The following ADAMTSL3 variants were observed in gnomAD, a reference collection of about 807,000 sequenced individuals.
ADAMTSL3 encodes the protein ADAMTS-like protein 3.
In ADAMTSL3, 128 loss-of-function variants were observed where a neutral mutation model predicts 201.7. The ratio of observed to expected loss-of-function variants is 0.63; its 90% CI spans 0.55 to 0.73. The LOEUF is 0.73. ADAMTSL3 is among the 30% of genes least tolerant of loss of function. The probability of loss-of-function intolerance (pLI) is 0.00; values close to 1 mark genes in which losing one functional copy is unlikely to be tolerated. For missense variants in ADAMTSL3, 1,990 were observed against 2,119.6 expected, an observed-to-expected ratio of 0.94 and a Z score of 1.20; for synonymous variants, 738 against 748.4, an observed-to-expected ratio of 0.99 and a Z score of 0.23.
chr15:83,842,902 G>T (rs930735426), intron 7 of ADAMTSL3, among the ~76,000 whole-genome samples: 1 of 152,160 alleles, frequency 6.6e-6, no homozygotes, highest in Non-Finnish European at 1.5e-5. Flanking sequence ...AAAATACCTC[G>T]TTTTGTCAGG....
Position 83,940,887 on chromosome 15 carries a change from T to C in ADAMTSL3, c.2118-1709T>C, listed in dbSNP as rs113563602. The stretch of plus-strand genomic sequence containing the variant: ...GGGAATTCACCTGTTTCTTGAAAAT[T>C]TGTAGGACTTGACCACAAAACTAGT... On this transcript the variant is annotated intron_variant, in intron 17 of 29. Coordinates refer to ENST00000286744, the MANE Select transcript of ADAMTSL3 (RefSeq NM_207517.3). Among the ~76,000 whole-genome samples, 453 of 152,206 alleles carry C rather than the reference T, an allele frequency of 3.0e-3. 6 individuals carry two copies. The highest frequency in any genetic ancestry group is 0.01 in the African/African-American group (428 of 41,558).
chr15:83,719,522 T>C (rs1168399317), intron 3 of ADAMTSL3, among the ~76,000 whole-genome samples: 1 of 152,176 alleles, frequency 6.6e-6, no homozygotes, highest in Non-Finnish European at 1.5e-5. Context: ...TTCTGAGGCA[T>C]GAAAATGGTA....
intron 8 of ADAMTSL3, among the ~76,000 whole-genome samples, chr15:83,864,603 G>A (rs886881736): frequency 2.0e-5 from 3 of 152,176 alleles, no homozygotes; most frequent in Non-Finnish European, 4.4e-5. Context: ...AGGTATTGAT[G>A]GAACGTATCT....
intron 6 of ADAMTSL3, among the ~76,000 whole-genome samples, chr15:83,830,665 T>G (rs1448645867): frequency 6.6e-6 from 1 of 152,198 alleles, no homozygotes; most frequent in African/African-American, 2.4e-5. Context: ...TTTGGTGGCT[T>G]AAAACAACAG....
chr15:83,936,803 TAAAC>T (rs1242722727), intron 17 of ADAMTSL3, among the ~76,000 whole-genome samples: 7 of 150,776 alleles, frequency 4.6e-5, no homozygotes, highest in Admixed American at 2.0e-4. Flanking sequence ...GTAAGAAACT[TAAAC>T]AAATTCAGCA....
intron 2 of ADAMTSL3, among the ~76,000 whole-genome samples, chr15:83,662,136 C>T (rs890769935): frequency 2.2e-4 from 32 of 145,234 alleles, no homozygotes; most frequent in African/African-American, 7.0e-4. Flanking sequence ...ATGTTTATTG[C>T]GGCATTATTC....
At chr15:83,766,200 A>G (rs991427290) in intron 3 of ADAMTSL3, among the ~76,000 whole-genome samples, 2 of 152,138 alleles carry the variant, frequency 1.3e-5, no homozygotes, top group African/African-American at 4.8e-5. Flanking sequence ...TGCTCTTGAC[A>G]ACCAAAGGTT....
chr15:83,949,377 A>G (rs1464385710), intron 19 of ADAMTSL3, among the ~76,000 whole-genome samples: 7 of 152,122 alleles, frequency 4.6e-5, no homozygotes, highest in Admixed American at 4.6e-4. Context: ...TCCATTGTGT[A>G]TATGTACCAC....
chr15:83,660,740 C>T (rs1047917754), intron 2 of ADAMTSL3, among the ~76,000 whole-genome samples: 3 of 152,066 alleles, frequency 2.0e-5, no homozygotes, highest in African/African-American at 7.2e-5. Context: ...TTGCCTGTTC[C>T]CTCTGATGGT....
At chr15:83,896,753 G>T (rs2141905714) in intron 13 of ADAMTSL3, among the ~76,000 whole-genome samples, 1 of 152,034 alleles carries the variant, frequency 6.6e-6, no homozygotes, top group Middle Eastern at 3.4e-3. Flanking sequence ...GATTATATTA[G>T]TCCATTCTCA....
At chr15:83,864,849 G>A (rs2064940716) in intron 8 of ADAMTSL3, among the ~76,000 whole-genome samples, 1 of 152,214 alleles carries the variant, frequency 6.6e-6, no homozygotes, top group Non-Finnish European at 1.5e-5. Context: ...TGACATGATT[G>A]TATATCTAGA....
At chr15:83,716,656 T>C (rs2062024632) in intron 3 of ADAMTSL3, among the ~76,000 whole-genome samples, 1 of 152,126 alleles carries the variant, frequency 6.6e-6, no homozygotes, top group African/African-American at 2.4e-5. Context: ...ATTATTTCTA[T>C]TTTTCACTCT....
intron 3 of ADAMTSL3, among the ~76,000 whole-genome samples, chr15:83,737,156 T>A (rs951566676): frequency 1.3e-5 from 2 of 152,152 alleles, no homozygotes; most frequent in African/African-American, 4.8e-5. Flanking sequence ...TGGAAATAGG[T>A]ATAGGTCATG....
chr15:83,847,537 C>T (rs1371496447), intron 7 of ADAMTSL3, among the ~76,000 whole-genome samples: 1 of 150,818 alleles, frequency 6.6e-6, no homozygotes, highest in Non-Finnish European at 1.5e-5. Flanking sequence ...CTTTTGTTGC[C>T]CAGGCTGGAG....
At chr15:83,857,914 A>T (rs1468165928) in intron 7 of ADAMTSL3, among the ~76,000 whole-genome samples, 1 of 152,198 alleles carries the variant, frequency 6.6e-6, no homozygotes, top group Non-Finnish European at 1.5e-5. Flanking sequence ...CAGAGAGGGG[A>T]CTAGTGAGAT....
intron 8 of ADAMTSL3, chr15:83,862,327 C>G (rs547818847): frequency 1.3e-5 from 2 of 152,236 alleles, no homozygotes; most frequent in Non-Finnish European, 2.9e-5. Context: ...TCAGATTCAC[C>G]AAAGTTGAAA....
intron 13 of ADAMTSL3, among the ~76,000 whole-genome samples, chr15:83,895,785 A>G (rs990426948): frequency 6.6e-6 from 1 of 152,140 alleles, no homozygotes; most frequent in Non-Finnish European, 1.5e-5. Context: ...ATATATATAT[A>G]TATCTCAAAT....
intron 2 of ADAMTSL3, among the ~76,000 whole-genome samples, chr15:83,678,853 A>T (rs1034360145): frequency 1.4e-5 from 2 of 145,938 alleles, no homozygotes; most frequent in Non-Finnish European, 3.0e-5. Context: ...TATAAAATAT[A>T]AATATATTAT....
intron 3 of ADAMTSL3, among the ~76,000 whole-genome samples, chr15:83,732,871 C>T (rs1434421611): frequency 6.6e-6 from 1 of 151,956 alleles, no homozygotes; most frequent in Non-Finnish European, 1.5e-5. Flanking sequence ...GGTGTCATTC[C>T]GAATGTGATT....
Sources: allele counts gnomAD v4.1 joint callset (sites outside exome capture counted in the v4.1 genomes callset), GRCh38; gene constraint gnomAD v4.1.1; transcripts MANE v1.5; gene names NCBI Gene and HGNC (gene_info 2026-07-23, HGNC 2026-07-21).